Variants in RBFOX1 observed in about 807,000 individuals in gnomAD.
RBFOX1 encodes RNA binding fox-1 homolog 1.
In RBFOX1, 8 loss-of-function variants were observed where a neutral mutation model predicts 57.7. That is an observed-to-expected ratio of 0.14 (90% CI 0.08 to 0.25). RBFOX1 has a LOEUF of 0.25. RBFOX1 is among the 10% of genes least tolerant of loss of function. The pLI is 1.00. For synonymous variants in RBFOX1, 326 were observed against 222.4 expected (o/e 1.47, Z -4.15); for missense variants, 611 against 548.5 (o/e 1.11, Z -1.14).
chr16:7,454,212 A>T (rs1247223052), intron 4 of RBFOX1, among the ~76,000 whole-genome samples: 2 of 152,170 alleles, frequency 1.3e-5, no homozygotes, highest in African/African-American at 4.8e-5. Flanking sequence ...CAGCCTGGGC[A>T]GGAGGGCGAG....
At chr16:6,894,219 G>A (rs2066211284) in intron 3 of RBFOX1, among the ~76,000 whole-genome samples, 1 of 152,092 alleles carries the variant, frequency 6.6e-6, no homozygotes, top group African/African-American at 2.4e-5. Flanking sequence ...CATCACTTCT[G>A]CATTTTCTGT....
intron 2 of RBFOX1, among the ~76,000 whole-genome samples, chr16:6,569,745 C>G (rs1028236133): frequency 1.3e-5 from 2 of 152,182 alleles, no homozygotes; most frequent in South Asian, 4.1e-4. Flanking sequence ...CCTTCATTCT[C>G]TAGAGAAAAC....
chr16:7,413,881 G>A (rs954150563), intron 4 of RBFOX1, among the ~76,000 whole-genome samples: 4 of 152,046 alleles, frequency 2.6e-5, no homozygotes, highest in African/African-American at 7.2e-5. Flanking sequence ...TGGCTTTTGC[G>A]AGGATTAATT....
chr16:7,605,745 C>T (rs1030967241), intron 9 of RBFOX1, among the ~76,000 whole-genome samples: 5 of 152,168 alleles, frequency 3.3e-5, no homozygotes, highest in Non-Finnish European at 7.3e-5. Flanking sequence ...ATTGCCTTCT[C>T]TCAAAAACAT....
intron 3 of RBFOX1, among the ~76,000 whole-genome samples, chr16:6,985,107 C>A (rs147380699): frequency 1.2e-4 from 19 of 152,014 alleles, no homozygotes; most frequent in Non-Finnish European, 2.6e-4. Flanking sequence ...CCTCTCCTTC[C>A]TTCCCCTACC....
At chr16:7,303,215 C>T (rs1396332432) in intron 4 of RBFOX1, among the ~76,000 whole-genome samples, 2 of 152,236 alleles carry the variant, frequency 1.3e-5, no homozygotes, top group African/African-American at 4.8e-5. Flanking sequence ...CAAGGCGAGG[C>T]ACAGAGCGAA....
intron 4 of RBFOX1, among the ~76,000 whole-genome samples, chr16:7,488,949 A>G (rs906325396): frequency 6.6e-6 from 1 of 152,182 alleles, no homozygotes; most frequent in Non-Finnish European, 1.5e-5. Flanking sequence ...CATGTCCACT[A>G]TCTATGTATA....
At chr16:5,540,242 T>C (rs1387152490) in intron 2 of RBFOX1, among the ~76,000 whole-genome samples, 1 of 152,208 alleles carries the variant, frequency 6.6e-6, no homozygotes, top group African/African-American at 2.4e-5. Flanking sequence ...CTCCAAGTTA[T>C]TGGCTGTAGC....
chr16:6,905,009 A>AT (rs1336265341), intron 3 of RBFOX1, among the ~76,000 whole-genome samples: 1 of 152,160 alleles, frequency 6.6e-6, no homozygotes, highest in Non-Finnish European at 1.5e-5. Flanking sequence ...GCTTGTTAGC[A>AT]TGGTAAAAGA....
At chr16:6,068,138 C>T (rs1186102852) in intron 1 of RBFOX1, among the ~76,000 whole-genome samples, 8 of 152,062 alleles carry the variant, frequency 5.3e-5, no homozygotes. Context: ...AAACATGGTT[C>T]TGTAGGGATG....
intron 5 of RBFOX1, among the ~76,000 whole-genome samples, chr16:7,568,882 CAAAAAAA>C (rs34858992): frequency 1.3e-5 from 1 of 77,534 alleles, no homozygotes; most frequent in Non-Finnish European, 2.3e-5. Flanking sequence ...GACTCTGTCT[CAAAAAAA>C]AAAAAAAAAA....
In RBFOX1 at chr16:7,044,495, A is replaced by AT. The variant is rs1328466905; in HGVS notation, c.-15-7561dup. Among the ~76,000 whole-genome samples the AT allele has an allele frequency of 2.6e-5, 4 of 152,290 alleles. 1 individual carries two copies. The highest frequency in any genetic ancestry group is 9.6e-5 in the African/African-American group (4 of 41,564). ...GGAAGATGAATCCCTGCTATTAAAC[A>AT]TCTCGTTCAACCGGGAGAGCAAAGG... On this transcript the variant is annotated intron_variant, in intron 3 of 15. Coordinates refer to ENST00000550418, the MANE Select transcript of RBFOX1 (RefSeq NM_018723.4).
chr16:6,887,319 G>A (rs986179507), intron 3 of RBFOX1, among the ~76,000 whole-genome samples: 8 of 152,112 alleles, frequency 5.3e-5, no homozygotes, highest in Admixed American at 4.6e-4. Flanking sequence ...TTTGATGGTG[G>A]GACAGGATGG....
intron 1 of RBFOX1, among the ~76,000 whole-genome samples, chr16:5,443,131 T>A (rs1295980084): frequency 6.6e-6 from 1 of 152,128 alleles, no homozygotes; most frequent in African/African-American, 2.4e-5. Flanking sequence ...CCTCCAGAAC[T>A]GAGAGAAAGA....
chr16:6,939,262 G>A (rs2077910722), intron 3 of RBFOX1, among the ~76,000 whole-genome samples: 1 of 152,212 alleles, frequency 6.6e-6, no homozygotes, highest in African/African-American at 2.4e-5. Context: ...AAATATTGCA[G>A]ACATGAGTGT....
intron 4 of RBFOX1, among the ~76,000 whole-genome samples, chr16:7,220,523 C>T (rs1156964058): frequency 3.3e-5 from 5 of 152,176 alleles, no homozygotes; most frequent in Non-Finnish European, 5.9e-5. Flanking sequence ...TGATTTCTGC[C>T]TTATGTGCCC....
chr16:6,762,911 A>T (rs554613843), intron 3 of RBFOX1, among the ~76,000 whole-genome samples: 1 of 152,166 alleles, frequency 6.6e-6, no homozygotes, highest in South Asian at 2.1e-4. Context: ...TTTCAGAGAA[A>T]GGTAGCATCT....
intron 2 of RBFOX1, among the ~76,000 whole-genome samples, chr16:6,614,592 G>A (rs904015241): frequency 9.2e-5 from 14 of 152,176 alleles, no homozygotes; most frequent in African/African-American, 3.1e-4. Flanking sequence ...GAGGTTGCAT[G>A]TCTGAAATCA....
chr16:7,055,694 T>C (rs1440980408), intron 4 of RBFOX1, among the ~76,000 whole-genome samples: 4 of 152,184 alleles, frequency 2.6e-5, no homozygotes, highest in African/African-American at 7.2e-5. Context: ...GCTACAGCAG[T>C]TATGATTCAT....
Sources: gnomAD v4.1 joint callset for allele counts (sites outside exome capture counted in the v4.1 genomes callset) on GRCh38, gnomAD v4.1.1 for gene constraint, MANE v1.5 for transcripts, NCBI Gene and HGNC (gene_info 2026-07-23, HGNC 2026-07-21) for gene names.